The following CASP6 variants were observed in gnomAD, a reference collection of about 807,000 sequenced individuals.
CASP6 encodes caspase 6, also known as caspase-6.
CASP6 carries 20 observed loss-of-function variants against 31.8 expected under a neutral mutation model. The ratio of observed to expected loss-of-function variants is 0.63; its 90% CI spans 0.44 to 0.91. CASP6 has a LOEUF of 0.91. Among genes scored for constraint, CASP6 ranks in the 40% least tolerant of loss-of-function variants. CASP6 has a pLI of 0.00. For synonymous variants in CASP6, 130 were observed against 127.8 expected (o/e 1.02, Z -0.12); for missense variants, 328 against 361.1 (o/e 0.91, Z 0.74).
upstream of CASP6, among the ~76,000 whole-genome samples, chr4:109,708,506 G>GT (rs1315524423): frequency 2.7e-4 from 41 of 152,278 alleles, no homozygotes; most frequent in Non-Finnish European, 1.5e-5. Flanking sequence ...ACAATTCAGG[G>GT]TTTTCACATT....
downstream of CASP6, among the ~76,000 whole-genome samples, chr4:109,687,008 A>G (rs986546461): frequency 4.0e-5 from 6 of 151,086 alleles, no homozygotes; most frequent in Non-Finnish European, 8.8e-5. Flanking sequence ...TATAAAGGGT[A>G]TAAACTGTAT....
the CASP6 span, among the ~76,000 whole-genome samples, chr4:109,672,700 C>CTG: frequency 5.9e-5 from 9 of 152,104 alleles, 1 homozygote; most frequent in Non-Finnish European, 1.3e-4. Context: ...AGGCAAGAGC[C>CTG]ATCAACAGGG....
chr4:109,697,724 C>A lies in CASP6; in HGVS notation c.128G>T (p.Arg43Met), dbSNP rs146971744. ...PAEKYKMDHR[R>M]RGIALIFNHE... ...ATTGAAGATTAAAGCAATTCCTCTC[C>A]TCCTGTGGTCCATTTTGTACTTTTC... The change falls in exon 3 of 7, where the codon AGG becomes ATG. Residue 43 changes from arginine (R) to methionine (M), a missense_variant. Arg to Met is a moderately conservative substitution (Grantham distance 91). Transcript: ENST00000265164. 12 of 1,613,980 alleles carry A rather than the reference C, an allele frequency of 7.4e-6. No individual in the cohort carries two copies. In the East Asian group the frequency reaches 2.7e-4, roughly 36 times the overall value.
chr4:109,691,079 G>A, intron 5 of CASP6, 70 bp from the exon 6 acceptor site: 9 of 1,491,686 alleles, frequency 6.0e-6, no homozygotes, highest in Non-Finnish European at 7.2e-6. Flanking sequence ...TGTGTGCAGT[G>A]AATGTGTAAG....
At chr4:109,680,615 G>A in the CASP6 span, among the ~76,000 whole-genome samples, 1 of 152,108 alleles carries the variant, frequency 6.6e-6, no homozygotes, top group Non-Finnish European at 1.5e-5. Flanking sequence ...AAGCCTAAAA[G>A]AGAACACCTA....
chr4:109,670,850 G>GAT, the CASP6 span, among the ~76,000 whole-genome samples: 1 of 152,068 alleles, frequency 6.6e-6, no homozygotes, highest in Admixed American at 6.5e-5. Context: ...AGAGCTCCTA[G>GAT]AAGTGAAACT....
chr4:109,677,831 G>A, the CASP6 span, among the ~76,000 whole-genome samples: 2 of 56,060 alleles, frequency 3.6e-5, no homozygotes, highest in African/African-American at 1.5e-4. Context: ...TTTTTTTTTA[G>A]TTTTTATTGA....
At chr4:109,684,634 A>G (rs747422122), downstream of CASP6, 8 of 1,482,906 alleles carry the variant, frequency 5.4e-6, no homozygotes, top group Non-Finnish European at 7.5e-6. Context: ...CATACTTTAT[A>G]GTCACTCGAC....
the CASP6 span, among the ~76,000 whole-genome samples, chr4:109,668,071 T>C: frequency 6.6e-6 from 1 of 152,100 alleles, no homozygotes; most frequent in Non-Finnish European, 1.5e-5. Context: ...TGATCTGTCT[T>C]GATGAGATGT....
Position 109,689,028 on chromosome 4 carries a change from T to C in CASP6, c.*302A>G. 2 of 232,796 alleles carry C rather than the reference T, an allele frequency of 8.6e-6. No individual in the cohort carries two copies. Among genetic ancestry groups the C allele is most frequent in the African/African-American group, 2.2e-5 (1 of 44,894 alleles). 14.4% of individuals were successfully genotyped at this position (232,796 alleles called of 1,614,324 possible). ...GTTTCACTCGTTGCCCAGGCTGGAGTGCAATGGCGCAATCTCGGCTCACCG... is the reference window on the plus strand; with the variant it reads ...GTTTCACTCGTTGCCCAGGCTGGAGCGCAATGGCGCAATCTCGGCTCACCG... On this transcript the variant is annotated 3_prime_UTR_variant, in exon 7 of 7. Coordinates refer to ENST00000265164, the MANE Select transcript of CASP6 (RefSeq NM_001226.4).
At chr4:109,705,993 AAAAAAAAAATATAT>A (rs1433838675), upstream of CASP6, among the ~76,000 whole-genome samples, 33 of 67,822 alleles carry the variant, frequency 4.9e-4, no homozygotes, top group East Asian at 1.9e-3. Context: ...AAAAAAAAAA[AAAAAAAAAATATAT>A]ATATATATAT....
At position 109,694,655 on chromosome 4, in the gene CASP6, A is replaced by G. The variant is rs1730180657; in HGVS notation, c.353T>C (p.Phe118Ser). 6.2e-7 allele frequency: 1 copy of G among 1,611,388 alleles called. No homozygotes were observed. The highest frequency in any genetic ancestry group is 8.5e-7 in the Non-Finnish European group (1 of 1,179,170). Residue 118 changes from phenylalanine to serine, a missense_variant, in exon 5 of 7, where the codon TTC becomes TCC. Phe to Ser is a radical substitution (Grantham distance 155). Transcript: ENST00000265164. ...GTGATTGCCTTCGCCATGGCTCAGG[A>G]AGACACACACAAAGCAATCGGCATC... ...HADADCFVCV[F>S]LSHGEGNHIY... is the part of the protein sequence containing the mutation.
the CASP6 span, among the ~76,000 whole-genome samples, chr4:109,677,690 A>T: frequency 6.6e-6 from 1 of 151,882 alleles, no homozygotes; most frequent in Non-Finnish European, 1.5e-5. Context: ...CACCCACGTA[A>T]TGCTTTCTGC....
chr4:109,702,139 C>T (rs930680723), intron 1 of CASP6, among the ~76,000 whole-genome samples: 8 of 152,158 alleles, frequency 5.3e-5, no homozygotes, highest in African/African-American at 1.9e-4. Context: ...GAAGGAAAGC[C>T]CCGGCTTCCC....
the CASP6 span, chr4:109,682,713 C>A: frequency 1.2e-6 from 2 of 1,613,782 alleles, no homozygotes; most frequent in Non-Finnish European, 1.7e-6. Flanking sequence ...AATTGACCAC[C>A]TGAAGGAACA....
At chr4:109,666,268 G>A in the CASP6 span, among the ~76,000 whole-genome samples, 55 of 152,146 alleles carry the variant, frequency 3.6e-4, no homozygotes, top group Non-Finnish European at 5.7e-4. Context: ...ATACACATGC[G>A]CAGGCTTTTG....
downstream of CASP6, among the ~76,000 whole-genome samples, chr4:109,686,548 G>A (rs1401106825): frequency 6.6e-6 from 1 of 152,174 alleles, no homozygotes; most frequent in Non-Finnish European, 1.5e-5. Context: ...TCCTATCTGA[G>A]AAGGCTAAGG....
the CASP6 span, among the ~76,000 whole-genome samples, chr4:109,678,896 CG>C: frequency 7.4e-6 from 1 of 136,048 alleles, no homozygotes; most frequent in East Asian, 2.4e-4. Context: ...ACTTCCCAGA[CG>C]GGGTGGCGGC....
the CASP6 span, among the ~76,000 whole-genome samples, chr4:109,679,379 A>T: frequency 6.6e-6 from 1 of 152,120 alleles, no homozygotes; most frequent in African/African-American, 2.4e-5. Context: ...AGTGAGCGAG[A>T]CTCCGTCTGC....
Sources: gnomAD v4.1 joint callset for allele counts (sites outside exome capture counted in the v4.1 genomes callset) on GRCh38, gnomAD v4.1.1 for gene constraint, MANE v1.5 for transcripts, NCBI Gene and HGNC (gene_info 2026-07-23, HGNC 2026-07-21) for gene names.